Variants in MBNL1 observed in about 807,000 individuals in gnomAD.
MBNL1 encodes the protein muscleblind like splicing regulator 1.
MBNL1 carries 8 observed loss-of-function variants against 42.2 expected under a neutral mutation model. That is an observed-to-expected ratio of 0.19 (90% confidence interval 0.11 to 0.34). The LOEUF (loss-of-function observed/expected upper bound fraction) is 0.34. MBNL1 is among the 10% of genes least tolerant of loss of function. MBNL1 has a pLI of 1.00. For synonymous variants in MBNL1, 169 were observed against 173.9 expected (o/e 0.97, Z 0.22); for missense variants, 309 against 495.3 (o/e 0.62, Z 3.57).
intron 1 of MBNL1, chr3:152,269,914 A>T (rs2194979): frequency 2.9e-5 from 3 of 102,774 alleles, no homozygotes; most frequent in Admixed American, 9.9e-5. Flanking sequence ...GCCACCCCCC[A>T]ACTTTTTTTT....
chr3:152,349,955 T>C (rs149560580), intron 2 of MBNL1, among the ~76,000 whole-genome samples: 580 of 152,226 alleles, frequency 3.8e-3, no homozygotes, highest in African/African-American at 0.013. Context: ...AGGGAGAACA[T>C]GTAATTGGTT....
chr3:152,337,022 CCATTTT>C (rs1194027255), intron 2 of MBNL1, among the ~76,000 whole-genome samples: 1 of 152,080 alleles, frequency 6.6e-6, no homozygotes, highest in Non-Finnish European at 1.5e-5. Flanking sequence ...ATGATTTTGA[CCATTTT>C]CATTTTCATT....
chr3:152,349,147 A>G (rs2094626725), intron 2 of MBNL1, among the ~76,000 whole-genome samples: 1 of 152,072 alleles, frequency 6.6e-6, no homozygotes, highest in Non-Finnish European at 1.5e-5. Context: ...CCATTCCCTA[A>G]GAATGTATCC....
At chr3:152,460,509 A>G (rs1285030709) in intron 9 of MBNL1, among the ~76,000 whole-genome samples, 1 of 150,180 alleles carries the variant, frequency 6.7e-6, no homozygotes, top group East Asian at 2.0e-4. Flanking sequence ...GATATACCTA[A>G]TGCTAGATGA....
chr3:152,390,003 G>A (rs1043887518), intron 2 of MBNL1, among the ~76,000 whole-genome samples: 7 of 152,046 alleles, frequency 4.6e-5, no homozygotes, highest in Non-Finnish European at 1.0e-4. Flanking sequence ...AGCCTCCCAA[G>A]TAGCTGGGAC....
chr3:152,396,108 GA>G (rs779275439), intron 2 of MBNL1: 17 of 280,894 alleles, frequency 6.1e-5, no homozygotes, highest in Non-Finnish European at 1.2e-4. Context: ...ATCTAGGTTG[GA>G]GACGCTTTAT....
intron 2 of MBNL1, among the ~76,000 whole-genome samples, chr3:152,334,093 A>G (rs971584454): frequency 6.6e-6 from 1 of 152,174 alleles, no homozygotes; most frequent in Admixed American, 6.5e-5. Context: ...TGTGTTAGCT[A>G]TTGTTTTATT....
chr3:152,308,225 G>A (rs539076059), intron 2 of MBNL1, among the ~76,000 whole-genome samples: 1 of 152,284 alleles, frequency 6.6e-6, no homozygotes, highest in South Asian at 2.1e-4. Flanking sequence ...AAACCCAAGA[G>A]GCTCCATAGA....
intron 3 of MBNL1, among the ~76,000 whole-genome samples, chr3:152,416,117 G>A (rs917312300): frequency 2.0e-5 from 3 of 151,778 alleles, no homozygotes; most frequent in South Asian, 2.1e-4. Context: ...TTTTTTTTCC[G>A]AATACATTCT....
chr3:152,440,532 C>G (rs1223238552), intron 4 of MBNL1, among the ~76,000 whole-genome samples: 1 of 152,104 alleles, frequency 6.6e-6, no homozygotes, highest in Non-Finnish European at 1.5e-5. Flanking sequence ...AGATATGCCC[C>G]CATGATTCAA....
At chr3:152,324,173 A>G (rs1017452039) in intron 2 of MBNL1, among the ~76,000 whole-genome samples, 3 of 152,318 alleles carry the variant, frequency 2.0e-5, no homozygotes, top group Admixed American at 6.5e-5. Flanking sequence ...TACTTTATAA[A>G]TGTCAACTGT....
intron 9 of MBNL1, among the ~76,000 whole-genome samples, chr3:152,461,909 C>A (rs1746667274): frequency 6.6e-6 from 1 of 152,108 alleles, no homozygotes; most frequent in East Asian, 1.9e-4. Flanking sequence ...CTTAAAGTAT[C>A]ATTCTTTTTT....
At position 152,447,054 on chromosome 3, in the gene MBNL1, A is replaced by T. The variant is rs148116571; in HGVS notation, c.808-566A>T. Reference sequence around the variant, plus strand: ...ACATAAAGAGTGTATTTTTGACTGTATATTTATGTACCTGTTTGGTTAGCA... The same window carrying T: ...ACATAAAGAGTGTATTTTTGACTGTTTATTTATGTACCTGTTTGGTTAGCA... On this transcript the variant is annotated intron_variant, in intron 5 of 9. Coordinates refer to ENST00000324210, the MANE Select transcript of MBNL1 (RefSeq NM_021038.5). Among the ~76,000 whole-genome samples the T allele has an allele frequency of 2.6e-5, 4 of 152,268 alleles. No homozygotes were observed. In the East Asian group the frequency reaches 7.7e-4, roughly 29 times the overall value.
intron 2 of MBNL1, among the ~76,000 whole-genome samples, chr3:152,326,137 C>T (rs563727083): frequency 6.6e-6 from 1 of 152,200 alleles, no homozygotes; most frequent in Non-Finnish European, 1.5e-5. Context: ...TTTATTGTAT[C>T]ATTTGATAGC....
intron 1 of MBNL1, among the ~76,000 whole-genome samples, chr3:152,279,353 C>T (rs1003815702): frequency 1.3e-5 from 2 of 152,104 alleles, no homozygotes; most frequent in African/African-American, 2.4e-5. Flanking sequence ...TCTTTTCATA[C>T]TTCAAAACCA....
chr3:152,422,458 T>A (rs546849953), intron 3 of MBNL1, among the ~76,000 whole-genome samples: 3 of 152,210 alleles, frequency 2.0e-5, no homozygotes, highest in African/African-American at 7.2e-5. Context: ...AGCAAGTTCT[T>A]ACAGACCTAC....
intron 2 of MBNL1, among the ~76,000 whole-genome samples, chr3:152,247,877 T>G (rs1286143971): frequency 2.0e-5 from 3 of 152,054 alleles, no homozygotes; most frequent in Admixed American, 2.0e-4. Flanking sequence ...TTCATTAATA[T>G]TGCAACCTTG....
At chr3:152,386,217 A>T (rs1015826807) in intron 2 of MBNL1, among the ~76,000 whole-genome samples, 12 of 152,028 alleles carry the variant, frequency 7.9e-5, no homozygotes, top group Admixed American at 6.6e-4. Flanking sequence ...CTATGAAAAA[A>T]TTCAAGAAAA....
At chr3:152,246,651 T>C (rs1352967631) in intron 2 of MBNL1, among the ~76,000 whole-genome samples, 2 of 152,084 alleles carry the variant, frequency 1.3e-5, no homozygotes, top group Non-Finnish European at 2.9e-5. Context: ...TGTGTTTTAG[T>C]AGATTATGTT....
Sources: allele counts gnomAD v4.1 joint callset (sites outside exome capture counted in the v4.1 genomes callset), GRCh38; gene constraint gnomAD v4.1.1; transcripts MANE v1.5; gene names NCBI Gene and HGNC (gene_info 2026-07-23, HGNC 2026-07-21).